NCKAP1L: variants seen among roughly 807,000 people sequenced by gnomAD.
The protein encoded by NCKAP1L is NCK associated protein 1 like.
NCKAP1L carries 53 observed loss-of-function variants against 139.2 expected under a neutral mutation model. That is an observed-to-expected ratio of 0.38 (90% CI 0.31 to 0.48). The LOEUF is 0.48. Ranked by LOEUF, NCKAP1L falls within the 20% of genes least tolerant of loss-of-function variation. The pLI, the probability that NCKAP1L is intolerant of heterozygous loss-of-function variation, is 0.98. For missense variants in NCKAP1L, 1,151 were observed against 1,381.9 expected (o/e 0.83, Z 2.65); for synonymous variants, 468 against 499.7 (o/e 0.94, Z 0.85).
At chr12:54,507,980 G>A (rs1019839279) in intron 4 of NCKAP1L, 71 bp downstream of exon 4, 2 of 1,378,712 alleles carry the variant, frequency 1.5e-6, no homozygotes, top group Non-Finnish European at 1.0e-6. Context: ...GGAGGTCTAG[G>A]TCTACTCACA....
At chr12:54,501,699 T>C (rs947974880) in intron 3 of NCKAP1L, among the ~76,000 whole-genome samples, 2 of 152,120 alleles carry the variant, frequency 1.3e-5, no homozygotes, top group Admixed American at 1.3e-4. Context: ...AGAGATGGGG[T>C]ATCCCCATGT....
chr12:54,507,226 G>T (rs1168309761), intron 3 of NCKAP1L, among the ~76,000 whole-genome samples: 1 of 152,180 alleles, frequency 6.6e-6, no homozygotes, highest in Admixed American at 6.5e-5. Context: ...GCAGGATGGA[G>T]TGTGGGTGCT....
intron 3 of NCKAP1L, among the ~76,000 whole-genome samples, chr12:54,502,565 C>A (rs1592335525): frequency 6.6e-6 from 1 of 151,870 alleles, no homozygotes; most frequent in Non-Finnish European, 1.5e-5. Flanking sequence ...ATTTCCTTTC[C>A]CAAATACTTA....
chr12:54,512,428 A>G (rs936967815), intron 9 of NCKAP1L: 49 of 235,236 alleles, frequency 2.1e-4, no homozygotes, highest in African/African-American at 1.0e-3. Context: ...TTCCTCATCT[A>G]TAAAATGTGG....
rs2271475 is a variant in NCKAP1L, at chr12:54,508,292, G to A, written c.364-97G>A. 433 of 1,186,706 alleles carry A rather than the reference G, an allele frequency of 3.6e-4. 7 individuals carry two copies. The East Asian group carries it at 9.0e-3, about 25-fold the overall frequency. 73.5% of individuals were successfully genotyped at this position (1,186,706 alleles called of 1,614,324 possible). The stretch of plus-strand genomic sequence containing the variant: ...TTCCTACTTCTAAATAGATTCACTC[G>A]GAATATATTGAGCACTGTCCAGAGT... On this transcript the variant is annotated intron_variant, in intron 4 of 30. Transcript: ENST00000293373.
In NCKAP1L at chr12:54,542,684, G is replaced by A; in HGVS notation, c.3383G>A (p.Ter1128=). The A allele has an allele frequency of 4.4e-6, 7 of 1,589,748 alleles. No individual in the cohort carries two copies. Among genetic ancestry groups the A allele is most frequent in the Non-Finnish European group, 6.0e-6 (7 of 1,163,756 alleles). ...GTGTCTCGGGCCTTCCACCTAAACT[G>A]AATGCCTGCCAGTACCCACTGAAGA... ...REVSRAFHLN[*] Residue 1128 remains the stop codon, a stop_retained_variant, in exon 31 of 31, where the codon TGA becomes TAA. Coordinates refer to ENST00000293373, the MANE Select transcript of NCKAP1L (RefSeq NM_005337.5).
At chr12:54,519,092 G>T in intron 15 of NCKAP1L, 95 bp from the exon 16 acceptor site, 1 of 1,564,070 alleles carries the variant, frequency 6.4e-7, no homozygotes, top group Non-Finnish European at 8.8e-7. Flanking sequence ...ACTGCTAATT[G>T]GACAAGACAT....
chr12:54,528,273 C>A lies in NCKAP1L; in HGVS notation c.2402C>A (p.Ala801Glu), dbSNP rs1957042108. ...NWYLESLLRQASSGTIILSPA... is the reference protein window; with the variant it reads ...NWYLESLLRQESSGTIILSPA... ...TACCTGGAAAGTCTGCTTAGACAGGCAAGCAGTGGGACCATCATCCTCTCC... is the reference window on the plus strand; with the variant it reads ...TACCTGGAAAGTCTGCTTAGACAGGAAAGCAGTGGGACCATCATCCTCTCC... Residue 801 changes from alanine (A) to glutamate (E), a missense_variant, in exon 22 of 31, where the codon GCA (alanine) becomes GAA (glutamate). By Grantham distance (107) the Ala-to-Glu change is moderately radical. Transcript: ENST00000293373. 1.2e-6 allele frequency: 2 copies of A among 1,613,870 alleles called. No individual in the cohort carries two copies. The highest frequency in any genetic ancestry group is 1.7e-6 in the Non-Finnish European group (2 of 1,179,870).
chr12:54,521,373 C>T (rs1956982638), intron 18 of NCKAP1L, 135 bp downstream of exon 18: 3 of 1,233,900 alleles, frequency 2.4e-6, no homozygotes, highest in Non-Finnish European at 3.4e-6. Context: ...CCTTTCTGTA[C>T]TTGAGTTTAT....
chr12:54,505,679 T>TG (rs397948401), intron 3 of NCKAP1L, among the ~76,000 whole-genome samples: 22 of 151,402 alleles, frequency 1.5e-4, no homozygotes, highest in African/African-American at 5.3e-4. Flanking sequence ...TTTTTTTTTT[T>TG]GAGATGGAGT....
chr12:54,515,946 G>T (rs1293274581), intron 9 of NCKAP1L, among the ~76,000 whole-genome samples: 1 of 152,200 alleles, frequency 6.6e-6, no homozygotes, highest in Non-Finnish European at 1.5e-5. Flanking sequence ...AGGAAGAGAA[G>T]TCTAGCCCCA....
At chr12:54,498,654 T>G in intron 1 of NCKAP1L, 6 of 314,772 alleles carry the variant, frequency 1.9e-5, no homozygotes, top group Non-Finnish European at 2.8e-5. Flanking sequence ...GTAAATGCCC[T>G]TTGGGATAAG....
chr12:54,520,236 A>G (rs968209523), intron 16 of NCKAP1L, among the ~76,000 whole-genome samples: 1 of 152,246 alleles, frequency 6.6e-6, no homozygotes, highest in African/African-American at 2.4e-5. Flanking sequence ...AAAAGAGTAC[A>G]TGAAGTTGAG....
intron 22 of NCKAP1L, 105 bp downstream of exon 22, chr12:54,528,482 T>C: frequency 7.2e-7 from 1 of 1,397,768 alleles, no homozygotes; most frequent in East Asian, 2.4e-5. Flanking sequence ...AAAGTAATTT[T>C]TGCAATTACT....
Position 54,536,272 on chromosome 12 carries a change from C to T in NCKAP1L, c.3073+27C>T, listed in dbSNP as rs141943917. On this transcript the variant is annotated intron_variant, in intron 28 of 30. Coordinates refer to ENST00000293373, the MANE Select transcript of NCKAP1L (RefSeq NM_005337.5). Reference sequence around the variant, plus strand: ...TAAGTAAGGGGTAGGTTTGAGACACCAGTGCTATTCAAGTTAGTGTCCTGG... The same window carrying T: ...TAAGTAAGGGGTAGGTTTGAGACACTAGTGCTATTCAAGTTAGTGTCCTGG... 2.3e-4 allele frequency: 336 copies of T among 1,458,646 alleles called. 2 individuals are homozygous for T. The African/African-American group carries it at 3.8e-3, about 17-fold the overall frequency. 90.4% of individuals were successfully genotyped at this position (1,458,646 alleles called of 1,614,324 possible).
In NCKAP1L at chr12:54,519,236, A is replaced by G. The variant is rs1403166446; in HGVS notation, c.1529A>G (p.Asp510Gly). The G allele has an allele frequency of 6.3e-7, 1 of 1,583,848 alleles. No individual in the cohort carries two copies. The highest frequency in any genetic ancestry group is 8.5e-7 in the Non-Finnish European group (1 of 1,171,648). Residue 510 changes from aspartate (D) to glycine (G), a missense_variant, in exon 16 of 31, where the codon GAC becomes GGC. Coordinates refer to ENST00000293373, the MANE Select transcript of NCKAP1L (RefSeq NM_005337.5). ...CCTCTGCACCTGCATGAGAACCCTG[A>G]CTTAGCCAAGGTGATGAACCTCATT... is the stretch of plus-strand genomic sequence containing the variant. ...KAPLHLHENP[D>G]LAKVMNLIVF... is the part of the protein sequence containing the mutation.
chr12:54,534,205 C>G (rs1007448882), intron 26 of NCKAP1L, among the ~76,000 whole-genome samples: 14 of 152,136 alleles, frequency 9.2e-5, no homozygotes, highest in African/African-American at 3.4e-4. Flanking sequence ...GATGTGTGGT[C>G]TAATTTAATC....
rs189588972 is a variant in NCKAP1L at position 54,518,801 on chromosome 12, T to A, written c.1420+69T>A. On this transcript the variant is annotated intron_variant, in intron 14 of 30. Transcript: ENST00000293373. Reference sequence around the variant, plus strand: ...AACATCTTTTATCCGGAAATATTGATCTTTGAGCCAGGAAGTAGGACAAGA... The same window carrying A: ...AACATCTTTTATCCGGAAATATTGAACTTTGAGCCAGGAAGTAGGACAAGA... 642 of 1,532,000 alleles carry A rather than the reference T, an allele frequency of 4.2e-4. 6 individuals are homozygous for A. The South Asian group carries it at 5.4e-3, about 13-fold the overall frequency. 94.9% of individuals were successfully genotyped at this position (1,532,000 alleles called of 1,614,324 possible).
intron 20 of NCKAP1L, among the ~76,000 whole-genome samples, chr12:54,524,733 T>A (rs952840940): frequency 5.3e-5 from 8 of 152,014 alleles, no homozygotes; most frequent in Admixed American, 4.6e-4. Flanking sequence ...GGAAGATAGA[T>A]AAACAAAATA....
Sources: gnomAD v4.1 joint callset for allele counts (sites outside exome capture counted in the v4.1 genomes callset) on GRCh38, gnomAD v4.1.1 for gene constraint, MANE v1.5 for transcripts, NCBI Gene and HGNC (gene_info 2026-07-23, HGNC 2026-07-21) for gene names.